TOP2A: variants seen among roughly 807,000 people sequenced by gnomAD.
The protein encoded by TOP2A is DNA topoisomerase 2-alpha.
In TOP2A, 68 loss-of-function variants were observed where a neutral mutation model predicts 187.2. That is an observed-to-expected ratio of 0.36 (90% CI 0.30 to 0.44). The LOEUF (loss-of-function observed/expected upper bound fraction) is 0.44. Among genes scored for constraint, TOP2A ranks in the 20% least tolerant of loss-of-function variants. The probability of loss-of-function intolerance (pLI) is 1.00; values close to 1 mark genes in which losing one functional copy is unlikely to be tolerated. For synonymous variants in TOP2A, 542 were observed against 593.2 expected, an observed-to-expected ratio of 0.91 and a Z score of 1.25; for missense variants, 1,196 against 1,808.7, an observed-to-expected ratio of 0.66 and a Z score of 6.14.
chr17:40,400,688 T>C, intron 21 of TOP2A, 25 bp from the exon 22 acceptor site: 2 of 1,581,878 alleles, frequency 1.3e-6, no homozygotes, highest in East Asian at 2.2e-5. Flanking sequence ...AAAAAAACAG[T>C]ATGTTTTCTA....
At chr17:40,413,064 T>C in intron 6 of TOP2A, 93 bp from the exon 7 acceptor site, 1 of 1,264,248 alleles carries the variant, frequency 7.9e-7, no homozygotes, top group Non-Finnish European at 1.1e-6. Context: ...AATAACCTAA[T>C]ATATATGCTT....
intron 29 of TOP2A, among the ~76,000 whole-genome samples, chr17:40,393,719 A>T (rs2035055338): frequency 6.6e-6 from 1 of 152,198 alleles, no homozygotes; most frequent in Admixed American, 6.5e-5. Flanking sequence ...TACAAAAACT[A>T]ATTCAAAGTG....
chr17:40,403,157 T>C, intron 19 of TOP2A, 103 bp from the exon 20 acceptor site: 1 of 1,116,714 alleles, frequency 9.0e-7, no homozygotes, highest in African/African-American at 1.6e-5. Flanking sequence ...GGTCTAGTTG[T>C]TTAGTGACTT....
chr17:40,389,066 G>A lies in TOP2A; in HGVS notation c.*453C>T, dbSNP rs555231199. The A allele has an allele frequency of 9.1e-6, 2 of 218,580 alleles. No homozygotes were observed. Among genetic ancestry groups the A allele is most frequent in the Non-Finnish European group, 1.9e-5 (2 of 108,094 alleles). 13.5% of individuals were successfully genotyped at this position (218,580 alleles called of 1,614,324 possible). Reference sequence around the variant, plus strand: ...CTAGAACCATAAAGTTCTATCTGATGGTAAATTATGTATAAAACTAAGATA... The same window carrying A: ...CTAGAACCATAAAGTTCTATCTGATAGTAAATTATGTATAAAACTAAGATA... On this transcript the variant is annotated 3_prime_UTR_variant, in exon 35 of 35. Transcript: ENST00000423485.
In TOP2A at chr17:40,413,471, A is replaced by G. The variant is rs370569992; in HGVS notation, c.478+9T>C. 4 of 1,522,224 alleles carry G rather than the reference A, an allele frequency of 2.6e-6. No individual in the cohort carries two copies. Among genetic ancestry groups the G allele is most frequent in the African/African-American group, 2.8e-5 (2 of 71,350 alleles). 94.3% of individuals were successfully genotyped at this position (1,522,224 alleles called of 1,614,324 possible). ...GCAACAAATATGTTATTTCCCCTCAATACTCTACCTGTCACTTTCTTTTCA... is the reference window on the plus strand; with the variant it reads ...GCAACAAATATGTTATTTCCCCTCAGTACTCTACCTGTCACTTTCTTTTCA... On this transcript the variant is annotated intron_variant, in intron 5 of 34. Transcript: ENST00000423485.
chr17:40,400,748 G>GTT, intron 21 of TOP2A, 85 bp from the exon 22 acceptor site: 1 of 1,533,296 alleles, frequency 6.5e-7, no homozygotes, highest in Non-Finnish European at 8.9e-7. Flanking sequence ...TAAATCTAAA[G>GTT]TATGAAATTA....
chr17:40,392,142 A>C (rs746577767), intron 31 of TOP2A, 31 bp from the exon 32 acceptor site: 5 of 1,611,030 alleles, frequency 3.1e-6, no homozygotes, highest in East Asian at 2.2e-5. Context: ...CCTGACAACC[A>C]ATTCTAAATG....
rs544998359 is a variant in TOP2A, at chr17:40,389,574, C to G, written c.4541G>C (p.Arg1514Pro). ...SAVAPRAKSV[R>P]AKKPIKYLEE... is the part of the protein sequence containing the mutation. ...CAGGTACTTTATAGGTTTCTTTGCC[C>G]GTACAGATTTTGCCCGAGGAGCCAC... The change falls in exon 35 of 35, where the codon CGG becomes CCG. Residue 1514 changes from arginine to proline, a missense_variant. Transcript: ENST00000423485. 25 of 1,603,714 alleles carry G rather than the reference C, an allele frequency of 1.6e-5. No individual in the cohort carries two copies. The highest frequency in any genetic ancestry group is 2.1e-5 in the Non-Finnish European group (25 of 1,174,880).
In TOP2A at chr17:40,399,023, G is replaced by A. The variant is rs756901913; in HGVS notation, c.3288+17C>T. The A allele has an allele frequency of 1.3e-6, 2 of 1,592,056 alleles. No individual in the cohort carries two copies. Among genetic ancestry groups the A allele is most frequent in the South Asian group, 1.1e-5 (1 of 88,688 alleles). ...ACATAGTCTTTAACAATATAGAAAA[G>A]TGCCACCCAAGATTACCTTTTGCTG... On this transcript the variant is annotated intron_variant, in intron 25 of 34. Coordinates refer to ENST00000423485, the MANE Select transcript of TOP2A (RefSeq NM_001067.4).
At chr17:40,416,986 T>G (rs2035397616) in intron 1 of TOP2A, 91 bp from the exon 2 acceptor site, 1 of 1,095,298 alleles carries the variant, frequency 9.1e-7, no homozygotes, top group Non-Finnish European at 1.3e-6. Context: ...TAGTGAGATG[T>G]CAACATGCAT....
In TOP2A at chr17:40,411,142, T is replaced by C. The variant is rs34370875; in HGVS notation, c.1170A>G (p.Ser390=). Residue 390 remains serine (S), a synonymous_variant, in exon 10 of 35, where the codon TCA becomes TCG. Transcript: ENST00000423485. This position sits in a 1 kb window ranked among gnomAD's most constrained non-coding sequence, Gnocchi z 4.4. ...NMTLQPKSFG[S]TCQLSEKFIK... is the part of the protein sequence containing the mutation. ...TAAATTTTTCACTCAATTGGCATGT[T>C]GATCCAAAGCTCTTGGGTTGTAAAG... The C allele has an allele frequency of 4.4e-3, 7,089 of 1,611,640 alleles. 26 individuals are homozygous for C. Among genetic ancestry groups the C allele is most frequent in the Non-Finnish European group, 5.0e-3 (5,897 of 1,179,164 alleles).
In TOP2A at chr17:40,399,865, A is replaced by T. The variant is rs1481147523; in HGVS notation, c.3196+7T>A. 6.3e-7 allele frequency: 1 copy of T among 1,588,808 alleles called. No homozygotes were observed. Among genetic ancestry groups the T allele is most frequent in the Admixed American group, 1.9e-5 (1 of 53,142 alleles). Reference sequence around the variant, plus strand: ...TTTAGTAAGCAGTTATTATTCCCAAAACATACCAATGATTATTTTGCCATC... The same window carrying T: ...TTTAGTAAGCAGTTATTATTCCCAATACATACCAATGATTATTTTGCCATC... On this transcript the variant is annotated splice_region_variant and intron_variant, in intron 24 of 34. Transcript: ENST00000423485.
At chr17:40,405,457 G>GT (rs71152667) in intron 16 of TOP2A, among the ~76,000 whole-genome samples, 96,075 of 129,620 alleles carry the variant, frequency 0.74, 35,853 homozygotes, top group Middle Eastern at 0.83. Flanking sequence ...GACCTTTTTT[G>GT]TTTTTTTTTT....
chr17:40,394,199 C>CAAATAGGAAAATCTAGAGACAG (rs773450522), intron 29 of TOP2A, among the ~76,000 whole-genome samples: 5,637 of 152,040 alleles, frequency 0.037, 170 homozygotes, highest in African/African-American at 0.076. Flanking sequence ...GGAAATGCCC[C>CAAATAGGAAAATCTAGAGACAG]TAGATTTTTT....
chr17:40,400,800 A>G, intron 21 of TOP2A, 50 bp downstream of exon 21: 4 of 1,586,418 alleles, frequency 2.5e-6, no homozygotes, highest in Non-Finnish European at 3.5e-6. Flanking sequence ...AATCTATTCA[A>G]CTGAAACCCA....
rs1196731936 is a variant in TOP2A at position 40,395,530 on chromosome 17, T to C, written c.3730A>G (p.Thr1244Ala). The change falls in exon 29 of 35, where the codon ACT becomes GCT. Residue 1244 changes from threonine to alanine, a missense_variant. Around this residue, in one of 10 missense-constraint regions of TOP2A, gnomAD observed 374 missense variants for 403.3 expected, o/e 0.93. Transcript: ENST00000423485. ...KNKKKIKNEN[T>A]EGSPQEDGVE... ...CCATCTTCTTGAGGGCTTCCTTCAG[T>C]ATTTTCATTCTAAAAGATAGCAAAG... The C allele has an allele frequency of 6.2e-6, 10 of 1,606,880 alleles. No individual in the cohort carries two copies. The highest frequency in any genetic ancestry group is 7.7e-6 in the Non-Finnish European group (9 of 1,174,916).
intron 13 of TOP2A, among the ~76,000 whole-genome samples, chr17:40,407,157 G>A (rs1161697238): frequency 6.6e-5 from 10 of 152,142 alleles, no homozygotes; most frequent in African/African-American, 2.2e-4. Context: ...CCAGCTACTC[G>A]GGAGGCTGAG....
chr17:40,396,340 TG>T lies in TOP2A; in HGVS notation c.3662del (p.Pro1221HisfsTer3), dbSNP rs763895288. 1.2e-6 allele frequency: 2 copies of T among 1,613,750 alleles called. No individual in the cohort carries two copies. Among genetic ancestry groups the T allele is most frequent in the South Asian group, 2.2e-5 (2 of 91,064 alleles). ...CTGCTTTCATTTCTATGGTTATTCG[TG>T]GAATGACTCTTTGACCACGCGGAGA... ...LPSPRGQRVI[P>X]RITIEMKAEA... is the part of the protein sequence containing the mutation. On this transcript the variant is annotated frameshift_variant, in exon 28 of 35. Transcript: ENST00000423485. LOFTEE classifies it high-confidence loss of function.
rs2035139158 is a variant in TOP2A at position 40,398,943 on chromosome 17, G to A, written c.3289-6C>T. 1 of 1,605,342 alleles carries A rather than the reference G, an allele frequency of 6.2e-7. No individual in the cohort carries two copies. The highest frequency in any genetic ancestry group is 8.5e-7 in the Non-Finnish European group (1 of 1,175,896). On this transcript the variant is annotated splice_polypyrimidine_tract_variant and splice_region_variant and intron_variant, in intron 25 of 34. Transcript: ENST00000423485. ...TTTTCTTCTTCATCTGGAACCTAAA[G>A]GATTAATTAAAATCTAGCTTTATTA...
Sources: allele counts gnomAD v4.1 joint callset (sites outside exome capture counted in the v4.1 genomes callset), GRCh38; gene constraint gnomAD v4.1.1; regional missense constraint gnomAD v4.1.1; non-coding constraint Gnocchi (gnomAD v3.1); transcripts MANE v1.5; gene names NCBI Gene and HGNC (gene_info 2026-07-23, HGNC 2026-07-21).